LIMD1: variants seen among roughly 807,000 people sequenced by gnomAD.
The protein encoded by LIMD1 is LIM domain-containing protein 1.
A neutral mutation model predicts 58.4 loss-of-function variants in LIMD1; 23 were observed. The observed-to-expected ratio is 0.39, with a 90% CI of 0.28 to 0.56. LIMD1 has a LOEUF of 0.56. Among genes scored for constraint, LIMD1 ranks in the 20% least tolerant of loss-of-function variants. LIMD1 has a pLI of 0.57. For synonymous variants in LIMD1, 334 were observed against 345.5 expected, an observed-to-expected ratio of 0.97 and a Z score of 0.37; for missense variants, 838 against 855.5, an observed-to-expected ratio of 0.98 and a Z score of 0.25.
intron 1 of LIMD1, among the ~76,000 whole-genome samples, chr3:45,604,400 G>A (rs1180479837): frequency 1.3e-5 from 2 of 152,206 alleles, no homozygotes; most frequent in East Asian, 3.8e-4. Flanking sequence ...AGGGGCAGAG[G>A]TGAGGAAGCT....
At position 45,626,025 on chromosome 3, in the gene LIMD1, G is replaced by C. The variant is rs77991729; in HGVS notation, c.1409-10125G>C. 5.1e-3 allele frequency among the ~76,000 whole-genome samples: 771 copies of C among 152,332 alleles called. 10 individuals are homozygous for C. Among genetic ancestry groups the C allele is most frequent in the African/African-American group, 0.018 (732 of 41,564 alleles). ...TAGTATAAAATCATAAGCCACAAAA[G>C]AGAGGTGGGAGAAATGTTTGAGTAA... On this transcript the variant is annotated intron_variant, in intron 1 of 7. Transcript: ENST00000273317.
chr3:45,674,408 C>G lies in LIMD1; in HGVS notation c.1890C>G (p.Cys630Trp), dbSNP rs756360801. Residue 630 changes from cysteine to tryptophan, a missense_variant, in exon 7 of 8, where the codon TGC (cysteine) becomes TGG (tryptophan). Physicochemically the swap from Cys to Trp is radical, Grantham distance 215. Around this residue, in one of 3 missense-constraint regions of LIMD1, gnomAD observed 174 missense variants for 197.4 expected, o/e 0.88. Coordinates refer to ENST00000273317, the MANE Select transcript of LIMD1 (RefSeq NM_014240.3). ...DRDYHVECYHCEDCGLELNDE... is the reference protein window; with the variant it reads ...DRDYHVECYHWEDCGLELNDE... ...ACTACCACGTGGAGTGTTACCACTGCGAGGTAGACCCCTCCCCACCCAGCC... is the reference window on the plus strand; with the variant it reads ...ACTACCACGTGGAGTGTTACCACTGGGAGGTAGACCCCTCCCCACCCAGCC... 1.2e-6 allele frequency: 2 copies of G among 1,612,512 alleles called. No individual in the cohort carries two copies. Among genetic ancestry groups the G allele is most frequent in the Admixed American group, 1.7e-5 (1 of 59,990 alleles).
At chr3:45,600,055 C>T (rs1248099446) in intron 1 of LIMD1, among the ~76,000 whole-genome samples, 2 of 152,222 alleles carry the variant, frequency 1.3e-5, no homozygotes, top group East Asian at 3.8e-4. Context: ...CTCCCTCCCA[C>T]AGATACTTTT....
chr3:45,627,234 A>C (rs532062038), intron 1 of LIMD1, among the ~76,000 whole-genome samples: 2 of 152,278 alleles, frequency 1.3e-5, no homozygotes, highest in African/African-American at 2.4e-5. Flanking sequence ...CTGGTGCCCC[A>C]AAACCATGAA....
Position 45,679,586 on chromosome 3 carries a change from T to C in LIMD1, c.*2527T>C, listed in dbSNP as rs1003870300. On this transcript the variant is annotated 3_prime_UTR_variant, in exon 8 of 8. Coordinates refer to ENST00000273317, the MANE Select transcript of LIMD1 (RefSeq NM_014240.3). ...TCTGGGTTTTCTTTTTGACAATTCT[T>C]GGACTTGAGGTAAAACAAGGAGGAT... 6.6e-6 allele frequency: 1 copy of C among 152,228 alleles called. No homozygotes were observed. The highest frequency in any genetic ancestry group is 1.5e-5 in the Non-Finnish European group (1 of 68,036). 9.4% of individuals were successfully genotyped at this position (152,228 alleles called of 1,614,324 possible).
At chr3:45,675,690 C>A (rs556788960) in intron 7 of LIMD1, among the ~76,000 whole-genome samples, 14 of 150,466 alleles carry the variant, frequency 9.3e-5, no homozygotes, top group African/African-American at 3.2e-4. Context: ...TAAAAGAAAC[C>A]GGTGAGATTA....
At chr3:45,665,770 C>T (rs1697507744) in intron 3 of LIMD1, 53 bp downstream of exon 3, 3 of 1,531,844 alleles carry the variant, frequency 2.0e-6, no homozygotes, top group Non-Finnish European at 2.7e-6. Context: ...AGTCAGAGGG[C>T]AGGGGCCTGG....
At chr3:45,637,580 A>G (rs1326657608) in intron 2 of LIMD1, among the ~76,000 whole-genome samples, 1 of 152,162 alleles carries the variant, frequency 6.6e-6, no homozygotes, top group Non-Finnish European at 1.5e-5. Flanking sequence ...CGCCCGCCCA[A>G]GTGGGGCAAG....
chr3:45,631,956 T>C (rs552798689), intron 1 of LIMD1, among the ~76,000 whole-genome samples: 2 of 152,300 alleles, frequency 1.3e-5, no homozygotes, highest in East Asian at 3.9e-4. Context: ...GTCCTCTTCA[T>C]GTGCTCATGC....
chr3:45,642,329 C>T (rs943185800), intron 2 of LIMD1, among the ~76,000 whole-genome samples: 1 of 152,054 alleles, frequency 6.6e-6, no homozygotes, highest in Non-Finnish European at 1.5e-5. Flanking sequence ...ACATGCACCA[C>T]CATGTTCAGC....
intron 1 of LIMD1, among the ~76,000 whole-genome samples, chr3:45,605,837 G>C (rs1486982703): frequency 1.3e-5 from 2 of 152,172 alleles, no homozygotes; most frequent in African/African-American, 4.8e-5. Context: ...AGTCCTCTCC[G>C]TGGGCTCCTG....
At chr3:45,660,881 A>G (rs1697428338) in intron 2 of LIMD1, among the ~76,000 whole-genome samples, 1 of 152,200 alleles carries the variant, frequency 6.6e-6, no homozygotes, top group Admixed American at 6.5e-5. Flanking sequence ...GAGTCCCTTT[A>G]TAGAGAGAAA....
chr3:45,633,192 C>T (rs539455037), intron 1 of LIMD1, among the ~76,000 whole-genome samples: 7 of 152,240 alleles, frequency 4.6e-5, no homozygotes, highest in South Asian at 4.1e-4. Flanking sequence ...TAATCTCATC[C>T]GCCCGCCACC....
rs1469875356 is a variant in LIMD1, at chr3:45,596,163, G to C, written c.1284G>C (p.Arg428Ser). ...ACAGCCCCAGCTCCCCTAGGGTAAG[G>C]CTGCCCTGCCAGCCCCTCGTCCCAG... ...LLDSPSSPRV[R>S]LPCQPLVPGP... The change falls in exon 1 of 8, where the codon AGG becomes AGC. Residue 428 changes from arginine (R) to serine (S), a missense_variant. Arg to Ser is a moderately radical substitution (Grantham distance 110). Around this residue, in one of 3 missense-constraint regions of LIMD1, gnomAD observed 659 missense variants for 639.8 expected, o/e 1.03. Coordinates refer to ENST00000273317, the MANE Select transcript of LIMD1 (RefSeq NM_014240.3). 7.4e-6 allele frequency: 12 copies of C among 1,614,062 alleles called. No individual in the cohort carries two copies. The highest frequency in any genetic ancestry group is 1.3e-5 in the African/African-American group (1 of 75,058).
intron 7 of LIMD1, among the ~76,000 whole-genome samples, chr3:45,675,355 A>G (rs542020162): frequency 8.6e-5 from 13 of 152,036 alleles, no homozygotes; most frequent in African/African-American, 3.1e-4. Flanking sequence ...CATGGCAAAA[A>G]CCCATCTCTA....
rs577150156 is a variant in LIMD1, at chr3:45,668,248, C to G, written c.1579-46C>G. The G allele has an allele frequency of 3.1e-5, 46 of 1,494,228 alleles. No homozygotes were observed. The South Asian group carries it at 4.9e-4, about 16-fold the overall frequency. 92.6% of individuals were successfully genotyped at this position (1,494,228 alleles called of 1,614,324 possible). ...TTGGCTGTTGGGGAAGTGGCTGATT[C>G]ATCTTACCAGTCTGGGTTTAACTTT... On this transcript the variant is annotated intron_variant, in intron 3 of 7. Coordinates refer to ENST00000273317, the MANE Select transcript of LIMD1 (RefSeq NM_014240.3).
rs1575373336 is a variant in LIMD1 at position 45,683,740 on chromosome 3, AGCTGCTTGG to A, written c.*6688_*6696del. ...AGAAAATTCTGTAACCGGGTTCTTGAGCTGCTTGGGCTGCTCCCACCCTGTGGAGCGTAC... is the reference window on the plus strand; with the variant it reads ...AGAAAATTCTGTAACCGGGTTCTTGAGCTGCTCCCACCCTGTGGAGCGTAC... On this transcript the variant is annotated 3_prime_UTR_variant, in exon 8 of 8. Transcript: ENST00000273317. The A allele has an allele frequency of 1.3e-5, 2 of 152,314 alleles. No homozygotes were observed. Among genetic ancestry groups the A allele is most frequent in the South Asian group, 2.1e-4 (1 of 4,822 alleles). 9.4% of individuals were successfully genotyped at this position (152,314 alleles called of 1,614,324 possible). A position where few individuals can be genotyped will look rare whatever the true frequency, so the allele number is the denominator to read the frequency against.
intron 2 of LIMD1, among the ~76,000 whole-genome samples, chr3:45,664,618 C>T (rs568938866): frequency 9.2e-5 from 14 of 152,328 alleles, no homozygotes; most frequent in South Asian, 2.1e-4. Flanking sequence ...TTTTCCGCTG[C>T]GTTGATGCTT....
At chr3:45,596,384 A>G in intron 1 of LIMD1, 97 bp downstream of exon 1, 1 of 962,410 alleles carries the variant, frequency 1.0e-6, no homozygotes, top group South Asian at 1.7e-5. Flanking sequence ...GGCTGTAGTT[A>G]CCTCTCTTTG....
Sources: gnomAD v4.1 joint callset for allele counts (sites outside exome capture counted in the v4.1 genomes callset) on GRCh38, gnomAD v4.1.1 for gene constraint, gnomAD v4.1.1 regional missense constraint, MANE v1.5 for transcripts, NCBI Gene and HGNC (gene_info 2026-07-23, HGNC 2026-07-21) for gene names.